ITCH: variants seen among roughly 807,000 people sequenced by gnomAD.
The protein encoded by ITCH is itchy E3 ubiquitin protein ligase, also known as E3 ubiquitin-protein ligase Itchy homolog.
A neutral mutation model predicts 126.8 loss-of-function variants in ITCH; 28 were observed. That is an observed-to-expected ratio of 0.22 (90% CI 0.16 to 0.30). The LOEUF (loss-of-function observed/expected upper bound fraction) is 0.30. ITCH is among the 10% of genes least tolerant of loss of function. The pLI, the probability that ITCH is intolerant of heterozygous loss-of-function variation, is 1.00. For synonymous variants in ITCH, 342 were observed against 340.0 expected, an observed-to-expected ratio of 1.01 and a Z score of -0.06; for missense variants, 631 against 1,032.4, an observed-to-expected ratio of 0.61 and a Z score of 5.33.
chr20:34,429,345 C>G (rs1464581736), intron 7 of ITCH, among the ~76,000 whole-genome samples: 2 of 152,108 alleles, frequency 1.3e-5, no homozygotes, highest in Non-Finnish European at 2.9e-5. Flanking sequence ...TAGTTTTAGC[C>G]TCACACTTTA....
chr20:34,442,068 G>A (rs777825833), intron 9 of ITCH, 140 bp from the exon 10 acceptor site: 4 of 706,386 alleles, frequency 5.7e-6, no homozygotes, highest in African/African-American at 5.3e-5. Flanking sequence ...TTCCTAAATT[G>A]TATTTGTATC....
chr20:34,446,360 T>C (rs1474633615), intron 11 of ITCH, among the ~76,000 whole-genome samples: 2 of 152,214 alleles, frequency 1.3e-5, no homozygotes, highest in Non-Finnish European at 2.9e-5. Context: ...ACCTTTCGTA[T>C]TCCTTTCCTA....
At chr20:34,443,788 C>G (rs150842457) in intron 10 of ITCH, among the ~76,000 whole-genome samples, 20 of 152,166 alleles carry the variant, frequency 1.3e-4, no homozygotes, top group African/African-American at 4.1e-4. Context: ...AGTTTGAGAC[C>G]AGCCTGGGCA....
At chr20:34,418,685 T>C (rs1053241054) in intron 6 of ITCH, among the ~76,000 whole-genome samples, 1 of 152,142 alleles carries the variant, frequency 6.6e-6, no homozygotes, top group East Asian at 1.9e-4. Flanking sequence ...CGTCTATGTA[T>C]GCTCAGAATA....
intron 17 of ITCH, 89 bp downstream of exon 17, chr20:34,477,949 A>T (rs923330366): frequency 6.5e-7 from 1 of 1,540,158 alleles, no homozygotes; most frequent in African/African-American, 1.4e-5. Context: ...TCTCAATCTT[A>T]TATTTTAGGA....
At chr20:34,421,523 G>A (rs375762119) in intron 6 of ITCH, among the ~76,000 whole-genome samples, 4 of 152,172 alleles carry the variant, frequency 2.6e-5, no homozygotes, top group African/African-American at 4.8e-5. Context: ...AGGGCAATAC[G>A]TTTGTAAAAT....
At chr20:34,438,336 G>T (rs932927048) in intron 7 of ITCH, 138 bp from the exon 8 acceptor site, 1 of 830,932 alleles carries the variant, frequency 1.2e-6, no homozygotes. Flanking sequence ...TATTTAATAA[G>T]GCTGACCAGA....
chr20:34,404,093 G>A (rs2146122129), intron 3 of ITCH, among the ~76,000 whole-genome samples: 1 of 152,238 alleles, frequency 6.6e-6, no homozygotes, highest in Admixed American at 6.5e-5. Flanking sequence ...GGCTGTGAGG[G>A]GTTGGATTGG....
At chr20:34,371,530 C>T (rs1000508012) in intron 2 of ITCH, among the ~76,000 whole-genome samples, 3 of 151,938 alleles carry the variant, frequency 2.0e-5, no homozygotes, top group African/African-American at 7.2e-5. Flanking sequence ...GTGATCTGCC[C>T]GCCTCTGCCT....
intron 14 of ITCH, among the ~76,000 whole-genome samples, chr20:34,462,555 T>A (rs188445193): frequency 3.3e-5 from 5 of 152,284 alleles, no homozygotes; most frequent in Non-Finnish European, 7.4e-5. Context: ...TCATTACTTA[T>A]CCCCCACCCC....
At chr20:34,447,228 C>G (rs1984574688) in intron 11 of ITCH, among the ~76,000 whole-genome samples, 1 of 151,114 alleles carries the variant, frequency 6.6e-6, no homozygotes, top group Admixed American at 6.6e-5. Context: ...TCCCCCCGCC[C>G]AATCCAATAT....
intron 20 of ITCH, among the ~76,000 whole-genome samples, chr20:34,487,019 T>G (rs1007448945): frequency 1.1e-4 from 17 of 148,244 alleles, no homozygotes; most frequent in Admixed American, 4.7e-4. Context: ...TAGGTTTTTT[T>G]TTTTTTTTTT....
At chr20:34,402,232 CT>C in intron 3 of ITCH, 2 of 1,417,756 alleles carry the variant, frequency 1.4e-6, no homozygotes, top group South Asian at 1.1e-5. Context: ...TTCTTTAGGC[CT>C]TTCTTTGTGA....
At chr20:34,454,168 C>T (rs1215250939) in intron 12 of ITCH, among the ~76,000 whole-genome samples, 5 of 147,254 alleles carry the variant, frequency 3.4e-5, no homozygotes, top group African/African-American at 7.5e-5. Flanking sequence ...GACGGAGTCT[C>T]GCTCTGTCGC....
intron 11 of ITCH, among the ~76,000 whole-genome samples, chr20:34,448,532 A>G (rs1408579892): frequency 6.6e-6 from 1 of 152,158 alleles, no homozygotes; most frequent in Non-Finnish European, 1.5e-5. Context: ...AGTCTTGATA[A>G]GTGTTGAATC....
At chr20:34,445,253 T>G (rs955837083) in intron 10 of ITCH, 34 bp from the exon 11 acceptor site, 1 of 1,575,816 alleles carries the variant, frequency 6.3e-7, no homozygotes, top group Non-Finnish European at 8.7e-7. Flanking sequence ...ATTTGTTGAA[T>G]TAGCTTGTTT....
At chr20:34,429,631 A>G (rs148205935) in intron 7 of ITCH, among the ~76,000 whole-genome samples, 87 of 152,316 alleles carry the variant, frequency 5.7e-4, no homozygotes, top group African/African-American at 1.7e-3. Context: ...GACTTCTTAT[A>G]TAATTTTTCA....
chr20:34,375,330 C>T (rs1013445686), intron 2 of ITCH, among the ~76,000 whole-genome samples: 24 of 151,124 alleles, frequency 1.6e-4, no homozygotes, highest in South Asian at 4.2e-4. Flanking sequence ...CGTGAGCCAC[C>T]GCACCTGGCC....
At chr20:34,447,361 A>G (rs577646446) in intron 11 of ITCH, among the ~76,000 whole-genome samples, 53 of 152,302 alleles carry the variant, frequency 3.5e-4, no homozygotes, top group African/African-American at 1.3e-3. Flanking sequence ...AAGTGAATTA[A>G]TTTAACATCC....
Sources: allele counts gnomAD v4.1 joint callset (sites outside exome capture counted in the v4.1 genomes callset), GRCh38; gene constraint gnomAD v4.1.1; transcripts MANE v1.5; gene names NCBI Gene and HGNC (gene_info 2026-07-23, HGNC 2026-07-21).